The following PLIN4 variants were observed in gnomAD, a reference collection of about 807,000 sequenced individuals.
PLIN4 encodes the protein perilipin 4, also known as perilipin-4.
PLIN4 carries 57 observed loss-of-function variants against 52.4 expected under a neutral mutation model. That is an observed-to-expected ratio of 1.09 (90% CI 0.88 to 1.36). The LOEUF is 1.36. PLIN4 is among the 40% of genes most tolerant of loss of function. PLIN4 has a pLI of 0.00. For synonymous variants in PLIN4, 826 were observed against 785.4 expected, an observed-to-expected ratio of 1.05 and a Z score of -0.86; for missense variants, 1,757 against 1,770.3, an observed-to-expected ratio of 0.99 and a Z score of 0.13.
Position 4,518,248 on chromosome 19 carries a change from G to A in PLIN4, c.25C>T (p.Arg9Trp), listed in dbSNP as rs578042627. Residue 9 changes from arginine (R) to tryptophan (W), a missense_variant, in exon 2 of 8, where the codon CGG becomes TGG. Physicochemically the swap from Arg to Trp is moderately radical, Grantham distance 101. This residue lies in a region of PLIN4 where 332 missense variants were observed against 310.8 expected (regional missense o/e 1.07). Coordinates refer to ENST00000301286, the MANE Select transcript of PLIN4 (RefSeq NM_001367868.2). MSAPDEGR[R>W]DPPKPKGKTL... ...TTGCCCTTCGGTTTGGGGGGATCCC[G>A]TCTCCCTTCGTCTGGAGCAGACATA... 20 of 1,232,886 alleles carry A rather than the reference G, an allele frequency of 1.6e-5. No homozygotes were observed. Among genetic ancestry groups the A allele is most frequent in the African/African-American group, 1.2e-4 (8 of 64,556 alleles). The allele number at this position is 1,232,886 out of a possible 1,614,324, so 76.4% of individuals were successfully genotyped here.
At chr19:4,506,182 G>T (rs1467543380) in intron 6 of PLIN4, among the ~76,000 whole-genome samples, 2 of 152,260 alleles carry the variant, frequency 1.3e-5, no homozygotes, top group East Asian at 3.9e-4. Context: ...GCCCTCCAGG[G>T]CTCCCAACTC....
intron 4 of PLIN4, among the ~76,000 whole-genome samples, chr19:4,514,880 T>TAAA (rs74173009): frequency 5.7e-5 from 8 of 140,774 alleles, no homozygotes; most frequent in African/African-American, 2.1e-4. Context: ...ACCCCATCTT[T>TAAA]AAAAAAAAAA....
In PLIN4 at chr19:4,512,307, C is replaced by G. The variant is rs371043796; in HGVS notation, c.1653G>C (p.Gln551His). Residue 551 changes from glutamine to histidine, a missense_variant, in exon 5 of 8, where the codon CAG becomes CAC. Transcript: ENST00000301286. ...SAVNVAKGAV[Q>H]GGLDTTKSVV... Reference sequence around the variant, plus strand: ...CAGACTTGGTGGTGTCCAGGCCCCCCTGGACGGCCCCTTTGGCCACGTTCA... The same window carrying G: ...CAGACTTGGTGGTGTCCAGGCCCCCGTGGACGGCCCCTTTGGCCACGTTCA... 73 of 1,606,994 alleles carry G rather than the reference C, an allele frequency of 4.5e-5. No homozygotes were observed. The highest frequency in any genetic ancestry group is 3.3e-4 in the Middle Eastern group (2 of 6,024).
Position 4,504,309 on chromosome 19 carries a change from CGCAGCCCCTCGGCGCTCAGCCAGCT to C in PLIN4, c.*125_*149del. The C allele has an allele frequency of 1.2e-6, 1 of 802,848 alleles. No individual in the cohort carries two copies. Among genetic ancestry groups the C allele is most frequent in the African/African-American group, 1.7e-5 (1 of 57,638 alleles). 49.7% of individuals were successfully genotyped at this position (802,848 alleles called of 1,614,324 possible). On this transcript the variant is annotated 3_prime_UTR_variant, in exon 8 of 8. Transcript: ENST00000301286. The stretch of plus-strand genomic sequence containing the variant: ...GCTCAGTTAAGAAGGTCACTGCCTC[CGCAGCCCCTCGGCGCTCAGCCAGCT>C]GCAGCCCCAAAGGTCTAGGGCTTTA...
Position 4,518,236 on chromosome 19 carries a change from T to TG in PLIN4, c.36dup (p.Lys13GlnfsTer29). Reference sequence around the variant, plus strand: ...CCCCTCTTTACCTTGCCCTTCGGTTTGGGGGGATCCCGTCTCCCTTCGTCT... The same window carrying TG: ...CCCCTCTTTACCTTGCCCTTCGGTTTGGGGGGGATCCCGTCTCCCTTCGTCT... On this transcript the variant is annotated frameshift_variant, in exon 2 of 8. Transcript: ENST00000301286. LOFTEE classifies it high-confidence loss of function. 4 of 1,232,894 alleles carry TG rather than the reference T, an allele frequency of 3.2e-6. No individual in the cohort carries two copies. Among genetic ancestry groups the TG allele is most frequent in the East Asian group, 3.2e-5 (1 of 31,714 alleles). The allele number at this position is 1,232,894 out of a possible 1,614,324, so 76.4% of individuals were successfully genotyped here.
intron 6 of PLIN4, among the ~76,000 whole-genome samples, chr19:4,507,711 C>T (rs139695308): frequency 6.6e-6 from 1 of 152,072 alleles, no homozygotes; most frequent in Non-Finnish European, 1.5e-5. Context: ...ACATAAACCC[C>T]TAGAGCAGTC....
At chr19:4,504,808 G>C (rs770531886) in intron 7 of PLIN4, 23 bp from the exon 8 acceptor site, 6 of 1,604,030 alleles carry the variant, frequency 3.7e-6, no homozygotes, top group Non-Finnish European at 5.1e-6. Context: ...GGCGCAAGGT[G>C]AGTGGAGACC....
chr19:4,510,904 G>A lies in PLIN4; in HGVS notation c.3056C>T (p.Thr1019Ile). Residue 1019 changes from threonine (T) to isoleucine (I), a missense_variant, in exon 5 of 8, where the codon ACC (threonine) becomes ATC (isoleucine). Coordinates refer to ENST00000301286, the MANE Select transcript of PLIN4 (RefSeq NM_001367868.2). ...KGAVQGGLDT[T>I]KTVLTGTKDA... ...TTTGGTTCCGGTCAGCACTGTCTTG[G>A]TGGTGTCCAGGCCCCCCTGGACGGC... The A allele has an allele frequency of 1.2e-6, 2 of 1,613,622 alleles. No homozygotes were observed. The highest frequency in any genetic ancestry group is 8.5e-7 in the Non-Finnish European group (1 of 1,179,870).
chr19:4,513,618 C>T lies in PLIN4; in HGVS notation c.342G>A (p.Val114=), dbSNP rs1976504233. 1 of 1,608,982 alleles carries T rather than the reference C, an allele frequency of 6.2e-7. No individual in the cohort carries two copies. Among genetic ancestry groups the T allele is most frequent in the Non-Finnish European group, 8.5e-7 (1 of 1,178,030 alleles). Residue 114 remains valine, a synonymous_variant, in exon 5 of 8, where the codon GTG becomes GTA. Transcript: ENST00000301286. Reference sequence around the variant, plus strand: ...CCTGGACCACTCCCTTAGCCACGTCCACCACGCTGGCCACCCCGGAGGACA... The same window carrying T: ...CCTGGACCACTCCCTTAGCCACGTCTACCACGCTGGCCACCCCGGAGGACA... ...DAVSSGVASV[V]DVAKGVVQGG...
At chr19:4,514,258 C>T (rs1247299215) in intron 4 of PLIN4, among the ~76,000 whole-genome samples, 4 of 151,978 alleles carry the variant, frequency 2.6e-5, no homozygotes, top group East Asian at 3.9e-4. Context: ...TTAAGATCAA[C>T]CTGGGCAACC....
At chr19:4,505,555 C>G (rs999792315) in intron 6 of PLIN4, among the ~76,000 whole-genome samples, 6 of 152,166 alleles carry the variant, frequency 3.9e-5, no homozygotes, top group African/African-American at 1.4e-4. Context: ...CTTTGGTGTT[C>G]ATTGACTTGG....
rs567719914 is a variant in PLIN4 at position 4,504,547 on chromosome 19, C to G, written c.4028G>C (p.Gly1343Ala). 75 of 1,606,230 alleles carry G rather than the reference C, an allele frequency of 4.7e-5. No individual in the cohort carries two copies. In the African/African-American group the frequency reaches 7.2e-4, roughly 15 times the overall value. Residue 1343 changes from glycine (G) to alanine (A), a missense_variant, in exon 8 of 8, where the codon GGG becomes GCG. Physicochemically the swap from Gly to Ala is moderately conservative, Grantham distance 60. Coordinates refer to ENST00000301286, the MANE Select transcript of PLIN4 (RefSeq NM_001367868.2). ...TAGGCCCTCCAGCAGCTGCTCTAAC[C>G]CCTGCCAAGCCTGGTGCACACCCTC... The part of the protein sequence containing the change: ...SREGVHQAWQ[G>A]LEQLLEGLQH...
chr19:4,517,801 G>A, intron 2 of PLIN4, 103 bp from the exon 3 acceptor site: 1 of 1,408,534 alleles, frequency 7.1e-7, no homozygotes. Flanking sequence ...CCGGCCCCTT[G>A]CTCCTGGGTG....
chr19:4,505,888 A>G (rs1203598753), intron 6 of PLIN4, among the ~76,000 whole-genome samples: 2 of 151,680 alleles, frequency 1.3e-5, no homozygotes, highest in Non-Finnish European at 2.9e-5. Flanking sequence ...GCCTCCCCTC[A>G]GCCCCCCTGC....
rs371916858 is a variant in PLIN4, at chr19:4,512,338, C to G, written c.1622G>C (p.Ser541Thr). ...TKDTVCSGVT[S>T]AVNVAKGAVQ... is the part of the protein sequence containing the mutation. ...GGCCCCTTTGGCCACGTTCACAGCA[C>G]TGGTCACCCCACTGCAGACGGTGTC... Residue 541 changes from serine (S) to threonine (T), a missense_variant, in exon 5 of 8, where the codon AGT becomes ACT. Physicochemically the swap from Ser to Thr is moderately conservative, Grantham distance 58. Coordinates refer to ENST00000301286, the MANE Select transcript of PLIN4 (RefSeq NM_001367868.2). The G allele has an allele frequency of 4.7e-5, 75 of 1,611,950 alleles. 1 individual carries two copies. The highest frequency in any genetic ancestry group is 3.3e-4 in the Middle Eastern group (2 of 6,072).
intron 5 of PLIN4, 35 bp from the exon 6 acceptor site, chr19:4,508,990 C>G: frequency 6.3e-7 from 1 of 1,577,614 alleles, no homozygotes; most frequent in African/African-American, 1.3e-5. Context: ...GTCCCGGAAG[C>G]CCCTCAGGGC....
Position 4,504,177 on chromosome 19 carries a change from G to T in PLIN4, c.*282C>A. 1 of 387,374 alleles carries T rather than the reference G, an allele frequency of 2.6e-6. No homozygotes were observed. 24.0% of individuals were successfully genotyped at this position (387,374 alleles called of 1,614,324 possible). ...GCAGTGCTTGCTTGGGGACTTCAAGGGAAGGCTCTTGGCTGGTGGTCTGAG... is the reference window on the plus strand; with the variant it reads ...GCAGTGCTTGCTTGGGGACTTCAAGTGAAGGCTCTTGGCTGGTGGTCTGAG... On this transcript the variant is annotated 3_prime_UTR_variant, in exon 8 of 8. Coordinates refer to ENST00000301286, the MANE Select transcript of PLIN4 (RefSeq NM_001367868.2).
Position 4,512,644 on chromosome 19 carries a change from C to T in PLIN4, c.1316G>A (p.Gly439Glu). Residue 439 changes from glycine to glutamate, a missense_variant, in exon 5 of 8, where the codon GGG (glycine) becomes GAG (glutamate). Gly to Glu is a moderately conservative substitution (Grantham distance 98, BLOSUM62 -2). Around this residue, in one of 7 missense-constraint regions of PLIN4, gnomAD observed 439 missense variants for 406.4 expected, o/e 1.08. Coordinates refer to ENST00000301286, the MANE Select transcript of PLIN4 (RefSeq NM_001367868.2). Reference sequence around the variant, plus strand: ...GGCCAAATTCATGGCACCAGTCACCCCACTGCAGACGGTGTCCTTTGTACC... The same window carrying T: ...GGCCAAATTCATGGCACCAGTCACCTCACTGCAGACGGTGTCCTTTGTACC... ...ATGTKDTVCS[G>E]VTGAMNLARG... 1 of 1,582,312 alleles carries T rather than the reference C, an allele frequency of 6.3e-7. No homozygotes were observed.
chr19:4,510,381 A>C (rs1201307296), intron 5 of PLIN4, 65 bp downstream of exon 5: 90 of 1,315,562 alleles, frequency 6.8e-5, no homozygotes, highest in Non-Finnish European at 8.0e-5. Flanking sequence ...AAAAAACAAA[A>C]CAGTCAAGGA....
Sources: allele counts gnomAD v4.1 joint callset (sites outside exome capture counted in the v4.1 genomes callset), GRCh38; gene constraint gnomAD v4.1.1; regional missense constraint gnomAD v4.1.1; transcripts MANE v1.5; gene names NCBI Gene and HGNC (gene_info 2026-07-23, HGNC 2026-07-21).